PID1: variants seen among roughly 807,000 people sequenced by gnomAD.
PID1 encodes PTB-containing, cubilin and LRP1-interacting protein.
Under a neutral mutation model 19.1 loss-of-function variants are expected in PID1, and 10 were observed. The ratio of observed to expected loss-of-function variants is 0.52; its 90% CI spans 0.32 to 0.89. PID1 has a LOEUF of 0.89. Ranked by LOEUF, PID1 falls within the 40% of genes least tolerant of loss-of-function variation. The pLI is 0.03. For missense variants in PID1, 248 were observed against 285.3 expected (o/e 0.87, Z 0.94); for synonymous variants, 130 against 116.0 (o/e 1.12, Z -0.78).
rs564921647 is a variant in PID1, at chr2:229,142,809, C to T, written c.177+13009G>A. ...ATGGCGATTCCTCAGGGATCTAGAA[C>T]TAGAAATACCATTTGACCCAGCCAT... On this transcript the variant is annotated intron_variant, in intron 2 of 2. Transcript: ENST00000392055. Among the ~76,000 whole-genome samples, 11 of 152,138 alleles carry T rather than the reference C, an allele frequency of 7.2e-5. No individual in the cohort carries two copies. In the South Asian group the frequency reaches 2.1e-3, roughly 29 times the overall value.
At chr2:229,187,871 C>T (rs1274820679) in intron 1 of PID1, among the ~76,000 whole-genome samples, 1 of 152,202 alleles carries the variant, frequency 6.6e-6, no homozygotes, top group Non-Finnish European at 1.5e-5. Context: ...TCTCCAGTAT[C>T]CCTTTTGCCC....
rs5839309 is a variant in PID1, at chr2:229,145,155, G to GTATATATATA, written c.177+10653_177+10662dup. On this transcript the variant is annotated intron_variant, in intron 2 of 2. Transcript: ENST00000392055. ...ATGCTGAGTTTAAATATATGTATGT[G>GTATATATATA]TATATATATATATATATATATATAT... Among the ~76,000 whole-genome samples the GTATATATATA allele has an allele frequency of 9.1e-3, 1,088 of 119,744 alleles. 5 individuals are homozygous for GTATATATATA. The highest frequency in any genetic ancestry group is 0.022 in the East Asian group (88 of 4,088). 78.6% of individuals were successfully genotyped at this position (119,744 alleles called of 152,430 possible). A position where few individuals can be genotyped will look rare whatever the true frequency, so the allele number is the denominator to read the frequency against.
At chr2:229,117,741 A>G (rs1185915021) in intron 2 of PID1, among the ~76,000 whole-genome samples, 1 of 152,032 alleles carries the variant, frequency 6.6e-6, no homozygotes, top group Admixed American at 6.6e-5. Context: ...TGCTGCCTCA[A>G]GATTTTTGCT....
At chr2:229,194,789 G>A (rs1006222753) in intron 1 of PID1, among the ~76,000 whole-genome samples, 1 of 151,836 alleles carries the variant, frequency 6.6e-6, no homozygotes, top group South Asian at 2.1e-4. Flanking sequence ...TGCCTGATAG[G>A]ATATTTTAGA....
intron 1 of PID1, among the ~76,000 whole-genome samples, chr2:229,162,337 A>G (rs1690507632): frequency 6.6e-6 from 1 of 152,216 alleles, no homozygotes; most frequent in Non-Finnish European, 1.5e-5. Context: ...TACCAATTCA[A>G]ATTGGTTGTA....
At chr2:229,026,415 T>C (rs1287139365) in intron 2 of PID1, among the ~76,000 whole-genome samples, 2 of 152,256 alleles carry the variant, frequency 1.3e-5, no homozygotes, top group Non-Finnish European at 2.9e-5. Context: ...TATGATCTTT[T>C]ACATAATTTG....
chr2:229,254,561 T>C (rs1690243309), intron 1 of PID1, among the ~76,000 whole-genome samples: 1 of 152,204 alleles, frequency 6.6e-6, no homozygotes, highest in Admixed American at 6.5e-5. Context: ...CTCTTTTTCC[T>C]CGGGCTGCTA....
In PID1 at chr2:229,038,137, G is replaced by GA. The variant is rs551403030; in HGVS notation, c.178-12030dup. On this transcript the variant is annotated intron_variant, in intron 2 of 2. Transcript: ENST00000392055. ...GAGATTCTAGTAAGCAACCAGTGGAGATTTGGAACAAAAGAAGGAGAGGTA... is the reference window on the plus strand; with the variant it reads ...GAGATTCTAGTAAGCAACCAGTGGAGAATTTGGAACAAAAGAAGGAGAGGTA... Among the ~76,000 whole-genome samples, 257 of 152,266 alleles carry GA rather than the reference G, an allele frequency of 1.7e-3. 1 individual carries two copies. Among genetic ancestry groups the GA allele is most frequent in the African/African-American group, 5.8e-3 (242 of 41,544 alleles).
chr2:229,243,228 T>C (rs537379758), intron 1 of PID1, among the ~76,000 whole-genome samples: 2 of 152,200 alleles, frequency 1.3e-5, no homozygotes, highest in East Asian at 3.9e-4. Context: ...TTCACTATCA[T>C]GAGAACAGCA....
intron 2 of PID1, among the ~76,000 whole-genome samples, chr2:229,043,050 G>C (rs1179485150): frequency 6.6e-6 from 1 of 150,376 alleles, no homozygotes; most frequent in Non-Finnish European, 1.5e-5. Context: ...CTGTCTCCCA[G>C]GCTGAAGTGC....
At chr2:229,160,728 C>A (rs1690476132) in intron 1 of PID1, among the ~76,000 whole-genome samples, 1 of 152,142 alleles carries the variant, frequency 6.6e-6, no homozygotes, top group African/African-American at 2.4e-5. Flanking sequence ...AAAATGATTC[C>A]TTTAAAACGG....
At chr2:229,216,091 A>G (rs971328639) in intron 1 of PID1, among the ~76,000 whole-genome samples, 11 of 152,130 alleles carry the variant, frequency 7.2e-5, no homozygotes, top group African/African-American at 2.4e-4. Context: ...ATAGCCAGAC[A>G]CTCGGCTTTA....
At chr2:229,173,945 C>T (rs1299757398) in intron 1 of PID1, among the ~76,000 whole-genome samples, 1 of 152,088 alleles carries the variant, frequency 6.6e-6, no homozygotes, top group African/African-American at 2.4e-5. Flanking sequence ...TGAGAATTTC[C>T]ACACAGGACT....
At chr2:229,060,640 G>A (rs1029251188) in intron 2 of PID1, among the ~76,000 whole-genome samples, 1 of 152,052 alleles carries the variant, frequency 6.6e-6, no homozygotes, top group African/African-American at 2.4e-5. Context: ...ACCAAGAAGT[G>A]GGATTTCTGT....
chr2:229,143,437 G>A (rs1268326925), intron 2 of PID1, among the ~76,000 whole-genome samples: 1 of 151,960 alleles, frequency 6.6e-6, no homozygotes, highest in Non-Finnish European at 1.5e-5. Context: ...AATTAGGAGG[G>A]CAAGTCAGGA....
chr2:229,248,411 G>T (rs566480605), intron 1 of PID1, among the ~76,000 whole-genome samples: 1 of 152,220 alleles, frequency 6.6e-6, no homozygotes, highest in East Asian at 1.9e-4. Flanking sequence ...CATTATGGGT[G>T]ATGCTAACTT....
chr2:229,226,561 A>G (rs769751421), intron 1 of PID1, among the ~76,000 whole-genome samples: 53 of 152,300 alleles, frequency 3.5e-4, no homozygotes, highest in Non-Finnish European at 6.5e-4. Context: ...CTATTAGCAC[A>G]TTTGAGATCT....
intron 1 of PID1, among the ~76,000 whole-genome samples, chr2:229,156,984 T>C (rs533436091): frequency 6.6e-6 from 1 of 152,266 alleles, no homozygotes; most frequent in South Asian, 2.1e-4. Context: ...CTTCCTCGCC[T>C]CCTTGAGGTC....
intron 2 of PID1, among the ~76,000 whole-genome samples, chr2:229,093,229 T>C (rs565598113): frequency 6.6e-6 from 1 of 151,786 alleles, no homozygotes; most frequent in East Asian, 1.9e-4. Context: ...GTTCAAGTGG[T>C]TCTTGTGCCT....
Sources: allele counts gnomAD v4.1 joint callset (sites outside exome capture counted in the v4.1 genomes callset), GRCh38; gene constraint gnomAD v4.1.1; transcripts MANE v1.5; gene names NCBI Gene and HGNC (gene_info 2026-07-23, HGNC 2026-07-21).